TSHR: variants seen among roughly 807,000 people sequenced by gnomAD.
TSHR encodes thyroid stimulating hormone receptor.
In TSHR, 51 loss-of-function variants were observed where a neutral mutation model predicts 64.1. The observed-to-expected ratio is 0.80, with a 90% CI of 0.64 to 1.01. The LOEUF is 1.01. Ranked by LOEUF, TSHR falls within the 50% of genes least tolerant of loss-of-function variation. The pLI is 0.00. For missense variants in TSHR, 877 were observed against 942.8 expected, an observed-to-expected ratio of 0.93 and a Z score of 0.91; for synonymous variants, 361 against 361.9, an observed-to-expected ratio of 1.00 and a Z score of 0.03.
At chr14:80,972,279 T>C (rs1887623301) in intron 1 of TSHR, among the ~76,000 whole-genome samples, 1 of 152,200 alleles carries the variant, frequency 6.6e-6, no homozygotes, top group Non-Finnish European at 1.5e-5. Context: ...AAAAAACCTA[T>C]CATTGTTCTG....
chr14:81,041,339 T>TA (rs1432996839), intron 1 of TSHR, among the ~76,000 whole-genome samples: 2 of 152,000 alleles, frequency 1.3e-5, no homozygotes, highest in Non-Finnish European at 2.9e-5. Context: ...TATGCAGCCA[T>TA]AAAAAAGAAC....
intron 2 of TSHR, among the ~76,000 whole-genome samples, chr14:81,065,703 C>A (rs965832120): frequency 2.6e-5 from 4 of 152,150 alleles, no homozygotes; most frequent in Non-Finnish European, 2.9e-5. Context: ...AGGTAGGGAA[C>A]AGGCCTGTTT....
chr14:81,030,273 C>G (rs1884286747), intron 1 of TSHR, among the ~76,000 whole-genome samples: 1 of 152,076 alleles, frequency 6.6e-6, no homozygotes, highest in Non-Finnish European at 1.5e-5. Flanking sequence ...GAACCTAGTT[C>G]ATTTTTTTTC....
chr14:81,075,912 T>G (rs1223424653), intron 3 of TSHR, among the ~76,000 whole-genome samples: 3 of 151,940 alleles, frequency 2.0e-5, no homozygotes, highest in African/African-American at 2.4e-5. Flanking sequence ...CCAACAATGA[T>G]AGACTGGATT....
intron 1 of TSHR, among the ~76,000 whole-genome samples, chr14:80,991,198 T>A (rs1888709508): frequency 6.6e-6 from 1 of 152,208 alleles, no homozygotes; most frequent in African/African-American, 2.4e-5. Context: ...TCCATGACTC[T>A]TTGTCCTCAG....
At chr14:81,089,061 C>T (rs1244169078) in intron 4 of TSHR, among the ~76,000 whole-genome samples, 2 of 149,054 alleles carry the variant, frequency 1.3e-5, no homozygotes, top group Non-Finnish European at 3.0e-5. Context: ...GATCTTGGCT[C>T]ACTGCAACCG....
chr14:81,125,830 T>C (rs1246319510), intron 8 of TSHR, among the ~76,000 whole-genome samples: 2 of 151,928 alleles, frequency 1.3e-5, no homozygotes, highest in Non-Finnish European at 2.9e-5. Flanking sequence ...AGCCGAGTTG[T>C]TGGGGAAGCA....
chr14:81,029,381 G>A (rs1001182462), intron 1 of TSHR, among the ~76,000 whole-genome samples: 3 of 151,992 alleles, frequency 2.0e-5, no homozygotes, highest in African/African-American at 4.8e-5. Flanking sequence ...CATACCCTAG[G>A]AGTTTAGATC....
At chr14:81,116,782 G>A (rs1234114639) in intron 8 of TSHR, among the ~76,000 whole-genome samples, 2 of 150,888 alleles carry the variant, frequency 1.3e-5, no homozygotes, top group Non-Finnish European at 2.9e-5. Flanking sequence ...ATACTTGGAA[G>A]TAAAGTTCTC....
intron 1 of TSHR, among the ~76,000 whole-genome samples, chr14:81,042,611 G>T (rs759519546): frequency 1.3e-5 from 2 of 152,050 alleles, no homozygotes; most frequent in Non-Finnish European, 2.9e-5. Flanking sequence ...TAGAGTGTAG[G>T]GAAGTGGTGA....
intron 1 of TSHR, among the ~76,000 whole-genome samples, chr14:80,976,993 A>T (rs933928584): frequency 6.6e-6 from 1 of 152,266 alleles, no homozygotes; most frequent in South Asian, 2.1e-4. Context: ...ATTGCCTACA[A>T]ATTGGCATTC....
chr14:81,047,387 A>G (rs533885284), intron 1 of TSHR, among the ~76,000 whole-genome samples: 106 of 152,354 alleles, frequency 7.0e-4, no homozygotes, highest in South Asian at 1.2e-3. Flanking sequence ...TGAGTAGAAT[A>G]TATAGGTGAT....
intron 1 of TSHR, chr14:80,982,146 G>A (rs1888204009): frequency 6.9e-6 from 4 of 576,758 alleles, no homozygotes; most frequent in Non-Finnish European, 1.3e-5. Flanking sequence ...TCTGACAGAT[G>A]CAGTGGCAGA....
intron 1 of TSHR, among the ~76,000 whole-genome samples, chr14:81,015,190 T>G (rs1285943579): frequency 6.6e-6 from 1 of 152,168 alleles, no homozygotes; most frequent in Non-Finnish European, 1.5e-5. Context: ...TAAATAAGCA[T>G]TGAGTTTTCT....
intron 1 of TSHR, among the ~76,000 whole-genome samples, chr14:81,005,012 G>A (rs1024105061): frequency 2.0e-5 from 3 of 152,178 alleles, no homozygotes; most frequent in South Asian, 2.1e-4. Context: ...AAGAGATTGA[G>A]TGATTATTGC....
At chr14:81,102,407 C>T (rs78861152) in intron 7 of TSHR, among the ~76,000 whole-genome samples, 7,334 of 152,200 alleles carry the variant, frequency 0.048, 403 homozygotes, top group African/African-American at 0.14. Flanking sequence ...GGAAAGAAAT[C>T]AGTGTACTAT....
At chr14:81,033,280 G>T in intron 1 of TSHR, 2 of 464,982 alleles carry the variant, frequency 4.3e-6, no homozygotes, top group South Asian at 1.8e-5. Context: ...AGAATACATC[G>T]AAAAGCATAA....
At chr14:81,123,039 A>G (rs1006166021) in intron 8 of TSHR, among the ~76,000 whole-genome samples, 6 of 152,200 alleles carry the variant, frequency 3.9e-5, no homozygotes, top group African/African-American at 1.4e-4. Flanking sequence ...AGGCACGAGA[A>G]TCGCTTGAAC....
At chr14:81,101,161 AC>A (rs1889554630) in intron 7 of TSHR, among the ~76,000 whole-genome samples, 1 of 152,214 alleles carries the variant, frequency 6.6e-6, no homozygotes, top group South Asian at 2.1e-4. Flanking sequence ...AAGACCAAAT[AC>A]ATATTTCACA....
Sources: gnomAD v4.1 joint callset for allele counts (sites outside exome capture counted in the v4.1 genomes callset) on GRCh38, gnomAD v4.1.1 for gene constraint, MANE v1.5 for transcripts, NCBI Gene and HGNC (gene_info 2026-07-23, HGNC 2026-07-21) for gene names.